ITGBL1: variants seen among roughly 807,000 people sequenced by gnomAD.
ITGBL1 encodes the protein integrin subunit beta like 1.
In ITGBL1, 51 loss-of-function variants were observed where a neutral mutation model predicts 68.5. The ratio of observed to expected loss-of-function variants is 0.74; its 90% CI spans 0.59 to 0.94. The LOEUF (loss-of-function observed/expected upper bound fraction) is 0.94. Ranked by LOEUF, ITGBL1 falls within the 40% of genes least tolerant of loss-of-function variation. ITGBL1 has a pLI of 0.00. For synonymous variants in ITGBL1, 209 were observed against 227.3 expected, an observed-to-expected ratio of 0.92 and a Z score of 0.72; for missense variants, 649 against 647.4, an observed-to-expected ratio of 1.00 and a Z score of -0.03.
chr13:101,631,836 G>C (rs1271055099), intron 7 of ITGBL1, among the ~76,000 whole-genome samples: 2 of 152,042 alleles, frequency 1.3e-5, no homozygotes. Context: ...AATGAGTAAA[G>C]GAAACATTTT....
Position 101,544,493 on chromosome 13 carries a change from CG to C in ITGBL1, c.317-23201del, listed in dbSNP as rs553607561. 2.7e-3 allele frequency among the ~76,000 whole-genome samples: 418 copies of C among 152,306 alleles called. 3 individuals are homozygous for C. The highest frequency in any genetic ancestry group is 9.1e-3 in the African/African-American group (380 of 41,564). On this transcript the variant is annotated intron_variant, in intron 2 of 10. Coordinates refer to ENST00000376180, the MANE Select transcript of ITGBL1 (RefSeq NM_004791.3). ...GGGGGTGCCTCCCAGCTAGGCTCCTCGGGGGTCAGGGACCCACTTGAGGAGG... is the reference window on the plus strand; with the variant it reads ...GGGGGTGCCTCCCAGCTAGGCTCCTCGGGGTCAGGGACCCACTTGAGGAGG...
intron 2 of ITGBL1, among the ~76,000 whole-genome samples, chr13:101,497,471 A>C (rs1477543920): frequency 6.6e-6 from 1 of 152,188 alleles, no homozygotes; most frequent in African/African-American, 2.4e-5. Context: ...TCCTCAAAAT[A>C]TGTAATTGCA....
chr13:101,509,793 T>C (rs1031584288), intron 2 of ITGBL1, among the ~76,000 whole-genome samples: 4 of 152,118 alleles, frequency 2.6e-5, no homozygotes, highest in Non-Finnish European at 4.4e-5. Context: ...TAAAGTCCTT[T>C]AGTCTAATCT....
intron 9 of ITGBL1, among the ~76,000 whole-genome samples, chr13:101,709,618 G>T (rs2034371023): frequency 6.6e-6 from 1 of 152,086 alleles, no homozygotes. Flanking sequence ...CATTGTCACT[G>T]GGATAAGAAT....
intron 3 of ITGBL1, among the ~76,000 whole-genome samples, chr13:101,568,909 G>A (rs772453075): frequency 1.3e-5 from 2 of 152,064 alleles, no homozygotes; most frequent in Non-Finnish European, 2.9e-5. Context: ...AATGGTCTTA[G>A]CAGTTAGGTC....
chr13:101,506,583 C>T (rs1214896643), intron 2 of ITGBL1, among the ~76,000 whole-genome samples: 1 of 152,170 alleles, frequency 6.6e-6, no homozygotes, highest in Non-Finnish European at 1.5e-5. Context: ...TGTCCCTGCC[C>T]TGCTTCCATA....
intron 2 of ITGBL1, among the ~76,000 whole-genome samples, chr13:101,470,621 C>A (rs756226050): frequency 4.6e-5 from 7 of 152,034 alleles, no homozygotes; most frequent in Non-Finnish European, 1.0e-4. Flanking sequence ...ATATGAAAGT[C>A]AACTAGGCAA....
chr13:101,541,063 T>C (rs1250827939), intron 2 of ITGBL1, among the ~76,000 whole-genome samples: 11 of 139,698 alleles, frequency 7.9e-5, no homozygotes, highest in African/African-American at 2.7e-4. Flanking sequence ...TCCTGCCTGA[T>C]TGCCCTGGCC....
intron 2 of ITGBL1, among the ~76,000 whole-genome samples, chr13:101,489,797 A>G (rs1566698550): frequency 6.6e-6 from 1 of 152,162 alleles, no homozygotes; most frequent in Non-Finnish European, 1.5e-5. Context: ...GGTCATTGAT[A>G]TCAGAGGATG....
Position 101,546,529 on chromosome 13 carries a change from G to A in ITGBL1, c.317-21170G>A, listed in dbSNP as rs540575929. Among the ~76,000 whole-genome samples the A allele has an allele frequency of 7.9e-5, 12 of 152,168 alleles. No individual in the cohort carries two copies. In the South Asian group the frequency reaches 2.5e-3, roughly 32 times the overall value. On this transcript the variant is annotated intron_variant, in intron 2 of 10. Transcript: ENST00000376180. Reference sequence around the variant, plus strand: ...AAAAATGATAGAAATAATTTAAAAAGTCAAATGTTAAGTCTTTGTATAGTC... The same window carrying A: ...AAAAATGATAGAAATAATTTAAAAAATCAAATGTTAAGTCTTTGTATAGTC...
At chr13:101,597,773 C>G (rs1455552223) in intron 6 of ITGBL1, among the ~76,000 whole-genome samples, 1 of 151,968 alleles carries the variant, frequency 6.6e-6, no homozygotes, top group Non-Finnish European at 1.5e-5. Context: ...AGGCTGGTCT[C>G]AAACTCCTGA....
intron 2 of ITGBL1, among the ~76,000 whole-genome samples, chr13:101,543,864 A>G (rs184560995): frequency 2.0e-5 from 3 of 152,174 alleles, no homozygotes; most frequent in South Asian, 4.1e-4. Context: ...AGGCTTGTGC[A>G]TTTGTCACGT....
intron 8 of ITGBL1, among the ~76,000 whole-genome samples, chr13:101,701,696 C>T (rs1336113024): frequency 6.6e-6 from 1 of 151,970 alleles, no homozygotes; most frequent in South Asian, 2.1e-4. Flanking sequence ...CATACTACAA[C>T]ATGGAAGGAT....
At chr13:101,685,981 T>C (rs1464686576) in intron 7 of ITGBL1, among the ~76,000 whole-genome samples, 1 of 152,048 alleles carries the variant, frequency 6.6e-6, no homozygotes, top group Non-Finnish European at 1.5e-5. Context: ...TGGGTTGGGG[T>C]CATTGGAGAC....
At chr13:101,693,624 GTCTATCTATCTATCTA>G (rs71125018) in intron 8 of ITGBL1, among the ~76,000 whole-genome samples, 22 of 146,188 alleles carry the variant, frequency 1.5e-4, no homozygotes, top group Admixed American at 9.6e-4. Context: ...CTGTCTGTCT[GTCTATCTATCTATCTA>G]TCTATCTATC....
intron 2 of ITGBL1, among the ~76,000 whole-genome samples, chr13:101,469,115 G>A (rs1184215589): frequency 2.0e-5 from 3 of 152,166 alleles, no homozygotes; most frequent in Non-Finnish European, 2.9e-5. Context: ...ATTTCATAAA[G>A]TGAGCTCCAA....
At chr13:101,537,978 A>G (rs531910149) in intron 2 of ITGBL1, among the ~76,000 whole-genome samples, 15 of 152,200 alleles carry the variant, frequency 9.9e-5, no homozygotes, top group African/African-American at 3.6e-4. Context: ...TCATGCTTTA[A>G]AGTCTCACAC....
chr13:101,675,967 A>G (rs2139514765), intron 7 of ITGBL1, among the ~76,000 whole-genome samples: 1 of 152,128 alleles, frequency 6.6e-6, no homozygotes, highest in South Asian at 2.1e-4. Context: ...TTTTAATTTT[A>G]CTGTATTTTT....
intron 4 of ITGBL1, among the ~76,000 whole-genome samples, chr13:101,576,029 G>A (rs1258522564): frequency 6.6e-6 from 1 of 152,042 alleles, no homozygotes; most frequent in Non-Finnish European, 1.5e-5. Context: ...GACCTTTTCT[G>A]TGTACCACCA....
Sources: allele counts gnomAD v4.1 joint callset (sites outside exome capture counted in the v4.1 genomes callset), GRCh38; gene constraint gnomAD v4.1.1; transcripts MANE v1.5; gene names NCBI Gene and HGNC (gene_info 2026-07-23, HGNC 2026-07-21).